DLGAP2: variants seen among roughly 807,000 people sequenced by gnomAD.
The protein encoded by DLGAP2 is DLG associated protein 2.
DLGAP2 carries 26 observed loss-of-function variants against 100.3 expected under a neutral mutation model. The observed-to-expected ratio is 0.26, with a 90% CI of 0.19 to 0.36. The LOEUF (loss-of-function observed/expected upper bound fraction) is 0.36. DLGAP2 is among the 10% of genes least tolerant of loss of function. DLGAP2 has a pLI of 1.00. For missense variants in DLGAP2, 1,858 were observed against 1,453.2 expected, an observed-to-expected ratio of 1.28 and a Z score of -4.53; for synonymous variants, 886 against 630.1, an observed-to-expected ratio of 1.41 and a Z score of -6.08.
chr8:1,288,402 T>C (rs1391512796), intron 3 of DLGAP2, among the ~76,000 whole-genome samples: 4 of 131,828 alleles, frequency 3.0e-5, no homozygotes, highest in Non-Finnish European at 4.9e-5. Flanking sequence ...GTGTGTGTGG[T>C]TGTTAGGAGG....
chr8:1,478,909 G>A (rs980800811), intron 3 of DLGAP2, among the ~76,000 whole-genome samples: 4 of 152,248 alleles, frequency 2.6e-5, no homozygotes, highest in Non-Finnish European at 4.4e-5. Context: ...GAGGTTGAGG[G>A]AGATGACGGC....
chr8:1,278,183 C>T (rs1242205820), intron 3 of DLGAP2, among the ~76,000 whole-genome samples: 1 of 152,164 alleles, frequency 6.6e-6, no homozygotes, highest in Non-Finnish European at 1.5e-5. Context: ...CTTTCTCCTC[C>T]ACCAAAGAGC....
chr8:776,868 A>G (rs1198117354), intron 1 of DLGAP2, among the ~76,000 whole-genome samples: 16 of 152,194 alleles, frequency 1.1e-4, no homozygotes, highest in Admixed American at 3.3e-4. Flanking sequence ...TATTAGGTCC[A>G]CTTGTTGCAG....
chr8:1,331,635 G>C (rs971781016), intron 3 of DLGAP2, among the ~76,000 whole-genome samples: 4 of 152,198 alleles, frequency 2.6e-5, no homozygotes, highest in African/African-American at 9.7e-5. Flanking sequence ...GTTAATCTCA[G>C]TTTGGTGTCA....
intron 1 of DLGAP2, among the ~76,000 whole-genome samples, chr8:765,752 C>T (rs1344892391): frequency 2.0e-5 from 3 of 152,178 alleles, no homozygotes; most frequent in Non-Finnish European, 4.4e-5. Context: ...GTCTGTCTTT[C>T]CCACTGTGGC....
intron 1 of DLGAP2, among the ~76,000 whole-genome samples, chr8:802,144 ATGGT>A (rs1796176974): frequency 8.9e-5 from 13 of 146,588 alleles, no homozygotes; most frequent in East Asian, 2.3e-4. Context: ...GGCCTGGGGA[ATGGT>A]CCGCACTCCT....
chr8:1,047,515 C>T (rs1802548875), intron 2 of DLGAP2, among the ~76,000 whole-genome samples: 1 of 152,216 alleles, frequency 6.6e-6, no homozygotes, highest in South Asian at 2.1e-4. Context: ...TCTTAGTGCA[C>T]TCAGACTGCT....
chr8:1,267,621 G>C (rs56120779), intron 3 of DLGAP2, among the ~76,000 whole-genome samples: 1 of 84,718 alleles, frequency 1.2e-5, no homozygotes, highest in Non-Finnish European at 2.5e-5. Flanking sequence ...GATAAGATAA[G>C]ATAAATATTA....
chr8:1,659,216 T>A (rs764706935), intron 8 of DLGAP2, among the ~76,000 whole-genome samples: 1 of 152,218 alleles, frequency 6.6e-6, no homozygotes, highest in Non-Finnish European at 1.5e-5. Flanking sequence ...CTGTTTGTTA[T>A]GATTTCCATC....
intron 8 of DLGAP2, among the ~76,000 whole-genome samples, chr8:1,652,310 A>G (rs781483997): frequency 8.5e-5 from 13 of 152,246 alleles, no homozygotes; most frequent in Non-Finnish European, 1.8e-4. Context: ...CATTCCATTC[A>G]TTGTGAGTCT....
At chr8:1,182,597 G>T (rs117155437) in intron 2 of DLGAP2, among the ~76,000 whole-genome samples, 301 of 152,348 alleles carry the variant, frequency 2.0e-3, no homozygotes, top group Non-Finnish European at 3.4e-3. Flanking sequence ...ACAGAATTGT[G>T]TCACTAGGAA....
rs36230610 is a variant in DLGAP2 at position 1,202,241 on chromosome 8, A to AGTGT, written c.74-56581_74-56578dup. On this transcript the variant is annotated intron_variant, in intron 2 of 14. Coordinates refer to ENST00000637795, the MANE Select transcript of DLGAP2 (RefSeq NM_001346810.2). ...GCATGTATTCTGTATGTATAGATGC[A>AGTGT]GTGTGTGTGTGTGTGTGTGTGTGTG... is the stretch of plus-strand genomic sequence containing the variant. Among the ~76,000 whole-genome samples the AGTGT allele has an allele frequency of 7.5e-3, 1,119 of 149,254 alleles. 15 individuals are homozygous for AGTGT. The highest frequency in any genetic ancestry group is 0.03 in the Admixed American group (450 of 15,028).
At chr8:1,129,080 T>C (rs75661023) in intron 2 of DLGAP2, among the ~76,000 whole-genome samples, 3,735 of 152,290 alleles carry the variant, frequency 0.025, 68 homozygotes, top group Non-Finnish European at 0.039. Flanking sequence ...GTCGCTTTTG[T>C]GTACAGACAT....
At chr8:751,823 G>C (rs1382699850) in intron 1 of DLGAP2, among the ~76,000 whole-genome samples, 3 of 151,988 alleles carry the variant, frequency 2.0e-5, no homozygotes, top group South Asian at 2.1e-4. Context: ...AAGTTCATCT[G>C]ACACTTCATA....
intron 2 of DLGAP2, among the ~76,000 whole-genome samples, chr8:1,089,354 T>C (rs1203005488): frequency 6.6e-6 from 1 of 152,254 alleles, no homozygotes; most frequent in Non-Finnish European, 1.5e-5. Context: ...CTTTCCCTTT[T>C]GACACCAGCC....
chr8:1,636,165 C>G (rs1322381856), intron 8 of DLGAP2, among the ~76,000 whole-genome samples: 1 of 152,104 alleles, frequency 6.6e-6, no homozygotes, highest in Non-Finnish European at 1.5e-5. Flanking sequence ...TTTACTTGTC[C>G]AAATATGCAT....
intron 2 of DLGAP2, among the ~76,000 whole-genome samples, chr8:1,234,302 G>A (rs1270679029): frequency 6.6e-6 from 1 of 152,154 alleles, no homozygotes; most frequent in Non-Finnish European, 1.5e-5. Flanking sequence ...TGAAATCAGG[G>A]TGTCTGCAGG....
At chr8:1,094,257 G>C (rs1299996013) in intron 2 of DLGAP2, among the ~76,000 whole-genome samples, 1 of 152,212 alleles carries the variant, frequency 6.6e-6, no homozygotes, top group Non-Finnish European at 1.5e-5. Flanking sequence ...CGCGAGTAAA[G>C]CTTTCAGCAA....
At chr8:1,095,039 T>G (rs1374424136) in intron 2 of DLGAP2, among the ~76,000 whole-genome samples, 1 of 151,710 alleles carries the variant, frequency 6.6e-6, no homozygotes, top group East Asian at 2.0e-4. Context: ...GACAGCCTGG[T>G]GCAACAGCCT....
Sources: allele counts gnomAD v4.1 joint callset (sites outside exome capture counted in the v4.1 genomes callset), GRCh38; gene constraint gnomAD v4.1.1; transcripts MANE v1.5; gene names NCBI Gene and HGNC (gene_info 2026-07-23, HGNC 2026-07-21).